Variants in ZEB2 observed in about 807,000 individuals in gnomAD.
The protein encoded by ZEB2 is zinc finger E-box-binding homeobox 2.
In ZEB2, 6 loss-of-function variants were observed where a neutral mutation model predicts 99.9. The observed-to-expected ratio is 0.06, with a 90% CI of 0.03 to 0.12. The LOEUF (loss-of-function observed/expected upper bound fraction) is 0.12. Ranked by LOEUF, ZEB2 falls within the 10% of genes least tolerant of loss-of-function variation. ZEB2 has a pLI of 1.00. For missense variants in ZEB2, 969 were observed against 1,502.8 expected (o/e 0.64, Z 5.87); for synonymous variants, 517 against 542.5 (o/e 0.95, Z 0.65).
At chr2:144,465,935 G>A (rs1227297143) in intron 2 of ZEB2, among the ~76,000 whole-genome samples, 2 of 152,058 alleles carry the variant, frequency 1.3e-5, no homozygotes, top group African/African-American at 4.8e-5. Flanking sequence ...CTACACCGTC[G>A]ATTGCGGCGG....
At chr2:144,443,857 T>C (rs1703949054) in intron 2 of ZEB2, among the ~76,000 whole-genome samples, 1 of 150,838 alleles carries the variant, frequency 6.6e-6, no homozygotes. Flanking sequence ...CTTGAAAATG[T>C]ATTTAAAAAA....
chr2:144,410,443 G>A (rs988152355), intron 4 of ZEB2, among the ~76,000 whole-genome samples: 1 of 152,122 alleles, frequency 6.6e-6, no homozygotes, highest in African/African-American at 2.4e-5. Flanking sequence ...TATCAACATA[G>A]ACTGGCCTTA....
Position 144,517,570 on chromosome 2 carries a change from C to G in ZEB2, c.-69-151G>C, listed in dbSNP as rs1259842467. On this transcript the variant is annotated intron_variant, in intron 1 of 9. Transcript: ENST00000627532. ...AACTTCGGCGGCCCCCTCCCCGCCC[C>G]CCACCCCCAGCCTTGGCCCCGAGGC... 8.7e-6 allele frequency: 5 copies of G among 571,848 alleles called. No individual in the cohort carries two copies. In the East Asian group the frequency reaches 1.1e-4, roughly 12 times the overall value. 35.4% of individuals were successfully genotyped at this position (571,848 alleles called of 1,614,324 possible).
intron 2 of ZEB2, among the ~76,000 whole-genome samples, chr2:144,436,223 A>C (rs1703835175): frequency 6.6e-6 from 1 of 152,190 alleles, no homozygotes; most frequent in Non-Finnish European, 1.5e-5. Flanking sequence ...TGAAATATTC[A>C]GATGGAATGT....
chr2:144,492,290 G>T (rs1423445896), intron 2 of ZEB2, among the ~76,000 whole-genome samples: 1 of 152,088 alleles, frequency 6.6e-6, no homozygotes, highest in Non-Finnish European at 1.5e-5. Flanking sequence ...TTGGAACAGG[G>T]GTAAGATATC....
At chr2:144,436,238 T>C (rs556097395) in intron 2 of ZEB2, among the ~76,000 whole-genome samples, 1 of 152,310 alleles carries the variant, frequency 6.6e-6, no homozygotes, top group African/African-American at 2.4e-5. Flanking sequence ...GAATGTGCTA[T>C]CCAATACAAA....
chr2:144,409,751 T>C (rs1025883695), intron 4 of ZEB2, among the ~76,000 whole-genome samples: 38 of 152,186 alleles, frequency 2.5e-4, no homozygotes, highest in Admixed American at 2.3e-3. Flanking sequence ...TAGCCTGGCA[T>C]GGTGGTGCGT....
rs557767273 is a variant in ZEB2, at chr2:144,398,649, A to T, written c.2538T>A (p.His846Gln). Residue 846 changes from histidine (H) to glutamine (Q), a missense_variant, in exon 8 of 10, where the codon CAT (histidine) becomes CAA (glutamine). Around this residue, in one of 8 missense-constraint regions of ZEB2, gnomAD observed 346 missense variants for 460.0 expected, o/e 0.75. Transcript: ENST00000627532. The stretch of plus-strand genomic sequence containing the variant: ...TTTCAGATGAGGAAGAAACACTGTT[A>T]TGATCTAAACTGATGCTACTAGCTT... ...KTKASSISLD[H>Q]NSVSSSSENS... 385 of 1,614,124 alleles carry T rather than the reference A, an allele frequency of 2.4e-4. 6 individuals are homozygous for T. In the South Asian group the frequency reaches 4.1e-3, roughly 17 times the overall value.
intron 4 of ZEB2, among the ~76,000 whole-genome samples, chr2:144,423,677 T>C (rs1703650684): frequency 1.3e-5 from 2 of 152,196 alleles, no homozygotes; most frequent in African/African-American, 4.8e-5. Context: ...ATACCTTAAA[T>C]TGACATTATT....
chr2:144,512,329 A>G, intron 2 of ZEB2: 1 of 1,287,242 alleles, frequency 7.8e-7, no homozygotes, highest in Non-Finnish European at 1.0e-6. Context: ...AAACTGTTGC[A>G]AGGAAAAGAA....
intron 2 of ZEB2, chr2:144,463,850 AAAC>A (rs987053547): frequency 6.6e-6 from 1 of 151,928 alleles, no homozygotes; most frequent in African/African-American, 2.4e-5. Flanking sequence ...AAAAAACAAA[AAAC>A]AAAAAACAAA....
At chr2:144,480,048 T>C (rs1327273909) in intron 2 of ZEB2, among the ~76,000 whole-genome samples, 1 of 152,204 alleles carries the variant, frequency 6.6e-6, no homozygotes, top group Non-Finnish European at 1.5e-5. Flanking sequence ...TCCAGTCTAG[T>C]AAACAACGAA....
chr2:144,396,139 C>T (rs547507537), intron 9 of ZEB2, among the ~76,000 whole-genome samples: 1 of 152,186 alleles, frequency 6.6e-6, no homozygotes, highest in East Asian at 1.9e-4. Context: ...CATTTCATTG[C>T]CCTGGCCATC....
At chr2:144,497,061 C>T (rs143347545) in intron 2 of ZEB2, among the ~76,000 whole-genome samples, 27 of 152,290 alleles carry the variant, frequency 1.8e-4, no homozygotes, top group African/African-American at 5.3e-4. Flanking sequence ...ACAATGCCTG[C>T]GCTGTTCACC....
chr2:144,468,397 AG>A (rs939451089), intron 2 of ZEB2, among the ~76,000 whole-genome samples: 6 of 152,138 alleles, frequency 3.9e-5, no homozygotes, highest in African/African-American at 1.4e-4. Flanking sequence ...TTACAAGAAT[AG>A]TGGGTGATTT....
Position 144,429,881 on chromosome 2 carries a change from G to A in ZEB2, c.219C>T (p.His73=), listed in dbSNP as rs778851716. The A allele has an allele frequency of 1.2e-4, 191 of 1,613,634 alleles. No homozygotes were observed. The highest frequency in any genetic ancestry group is 1.6e-4 in the Non-Finnish European group (183 of 1,179,868). The change falls in exon 3 of 10, where the codon CAC becomes CAT. Residue 73 remains histidine, a synonymous_variant. Transcript: ENST00000627532. ...ASVPNHESSP[H]VSQALLPREE... is the part of the protein sequence containing the mutation. ...CTCTTGGCAACAGAGCTTGGCTCAC[G>A]TGTGGGGAGGACTCATGGTTGGGCA...
At chr2:144,428,520 T>C (rs1171834891) in intron 3 of ZEB2, 1 of 152,174 alleles carries the variant, frequency 6.6e-6, no homozygotes, top group Non-Finnish European at 1.5e-5. Context: ...GATAAATGTT[T>C]ATGTGTGGGA....
At chr2:144,459,772 GAGAATTGGTTTCCTTT>G (rs1261040269) in intron 2 of ZEB2, among the ~76,000 whole-genome samples, 2 of 152,160 alleles carry the variant, frequency 1.3e-5, no homozygotes, top group Non-Finnish European at 2.9e-5. Flanking sequence ...CAGAGCTAAA[GAGAATTGGTTTCCTTT>G]AGAGTTAAGC....
At chr2:144,493,890 C>T (rs1180018657) in intron 2 of ZEB2, among the ~76,000 whole-genome samples, 3 of 152,078 alleles carry the variant, frequency 2.0e-5, no homozygotes, top group Admixed American at 6.5e-5. Flanking sequence ...CAGTGGCTCA[C>T]GCCTGTAATC....
Sources: gnomAD v4.1 joint callset for allele counts (sites outside exome capture counted in the v4.1 genomes callset) on GRCh38, gnomAD v4.1.1 for gene constraint, gnomAD v4.1.1 regional missense constraint, MANE v1.5 for transcripts, NCBI Gene and HGNC (gene_info 2026-07-23, HGNC 2026-07-21) for gene names.